Variants in DNAH8 observed in about 807,000 individuals in gnomAD.
DNAH8 encodes axonemal beta dynein heavy chain 8.
DNAH8 carries 382 observed loss-of-function variants against 562.1 expected under a neutral mutation model. That is an observed-to-expected ratio of 0.68 (90% CI 0.63 to 0.74). DNAH8 has a LOEUF of 0.74. DNAH8 is among the 30% of genes least tolerant of loss of function. DNAH8 has a pLI of 0.00. For missense variants in DNAH8, 5,203 were observed against 5,620.4 expected (o/e 0.93, Z 2.37); for synonymous variants, 1,881 against 1,919.4 (o/e 0.98, Z 0.52).
intron 85 of DNAH8, among the ~76,000 whole-genome samples, chr6:38,981,733 G>A (rs1184325539): frequency 6.6e-6 from 1 of 152,156 alleles, no homozygotes; most frequent in Admixed American, 6.5e-5. Flanking sequence ...TATTTGTTGA[G>A]CATCTACTGC....
intron 92 of DNAH8, among the ~76,000 whole-genome samples, chr6:39,027,932 C>T (rs549611695): frequency 2.6e-4 from 39 of 152,130 alleles, no homozygotes; most frequent in Non-Finnish European, 4.7e-4. Flanking sequence ...AATCAGTCTC[C>T]CTTTCCCTTT....
chr6:38,941,821 A>T (rs1008470333), intron 79 of DNAH8, among the ~76,000 whole-genome samples: 1 of 152,162 alleles, frequency 6.6e-6, no homozygotes, highest in African/African-American at 2.4e-5. Flanking sequence ...GACCCCCACA[A>T]TCTGGGGAAG....
At chr6:38,852,602 T>C (rs1057122984) in intron 39 of DNAH8, 92 bp from the exon 40 acceptor site, 1 of 908,460 alleles carries the variant, frequency 1.1e-6, no homozygotes, top group Admixed American at 2.4e-5. Context: ...ATACTTAACC[T>C]TTTAAAAAGA....
intron 62 of DNAH8, among the ~76,000 whole-genome samples, chr6:38,900,959 C>T (rs757788863): frequency 1.3e-5 from 2 of 152,162 alleles, no homozygotes; most frequent in Non-Finnish European, 2.9e-5. Context: ...TTTCAGTTTG[C>T]GTTTCCCAGA....
At position 38,921,444 on chromosome 6, in the gene DNAH8, G is replaced by A; in HGVS notation, c.10600G>A (p.Glu3534Lys). The stretch of plus-strand genomic sequence containing the variant: ...AGGGAAGGCACAAGCCCTGCTGGAT[G>A]AGAAGCAAGCTGAGCTGGATAAAGT... ...ELGKAQALLDEKQAELDKVQA... is the reference protein window; with the variant it reads ...ELGKAQALLDKKQAELDKVQA... Residue 3534 changes from glutamate to lysine, a missense_variant, in exon 71 of 93, where the codon GAG becomes AAG. Glu to Lys is a moderately conservative substitution (Grantham distance 56). This residue lies in a region of DNAH8 where 1,399 missense variants were observed against 1,518.4 expected (regional missense o/e 0.92). Transcript: ENST00000327475. The A allele has an allele frequency of 6.2e-7, 1 of 1,613,858 alleles. No individual in the cohort carries two copies. The highest frequency in any genetic ancestry group is 8.5e-7 in the Non-Finnish European group (1 of 1,179,880).
chr6:38,926,232 G>A, intron 74 of DNAH8, 22 bp downstream of exon 74: 1 of 1,603,728 alleles, frequency 6.2e-7, no homozygotes, highest in Non-Finnish European at 8.5e-7. Flanking sequence ...TTGGTGCAGG[G>A]GAAAGTAATC....
At position 38,938,232 on chromosome 6, in the gene DNAH8, T is replaced by C; in HGVS notation, c.11816+6T>C. On this transcript the variant is annotated splice_donor_region_variant and intron_variant, in intron 78 of 92. Coordinates refer to ENST00000327475, the MANE Select transcript of DNAH8 (RefSeq NM_001206927.2). ...TTTGACCAGTCCATGGCCAGGTGAGTCCTCACTACCTTCATCCAAAAGTGG... is the reference window on the plus strand; with the variant it reads ...TTTGACCAGTCCATGGCCAGGTGAGCCCTCACTACCTTCATCCAAAAGTGG... The C allele has an allele frequency of 6.2e-7, 1 of 1,600,766 alleles. No homozygotes were observed.
At chr6:38,830,675 C>T (rs1019781133) in intron 30 of DNAH8, among the ~76,000 whole-genome samples, 3 of 149,230 alleles carry the variant, frequency 2.0e-5, no homozygotes, top group African/African-American at 7.3e-5. Flanking sequence ...AAGGGATGAC[C>T]TACATCCTTT....
chr6:38,758,027 A>T (rs1001021532), intron 10 of DNAH8, among the ~76,000 whole-genome samples: 1 of 152,174 alleles, frequency 6.6e-6, no homozygotes. Context: ...TTTTGGTGCC[A>T]TATGAACTTT....
At chr6:39,023,184 G>A (rs1471813642) in intron 91 of DNAH8, among the ~76,000 whole-genome samples, 1 of 152,088 alleles carries the variant, frequency 6.6e-6, no homozygotes, top group African/African-American at 2.4e-5. Context: ...ATTTGGTTTA[G>A]GAATTATTAA....
intron 59 of DNAH8, 32 bp downstream of exon 59, chr6:38,894,896 T>C: frequency 6.3e-7 from 1 of 1,591,268 alleles, no homozygotes; most frequent in Non-Finnish European, 8.5e-7. Flanking sequence ...TTTAAATGTA[T>C]GACCTGAGAA....
intron 12 of DNAH8, among the ~76,000 whole-genome samples, chr6:38,772,251 A>T (rs1767652192): frequency 6.6e-6 from 1 of 151,932 alleles, no homozygotes. Context: ...GATGGTCTCG[A>T]TCCTCTGACC....
intron 68 of DNAH8, among the ~76,000 whole-genome samples, chr6:38,916,726 G>T (rs956451244): frequency 3.9e-5 from 6 of 152,204 alleles, no homozygotes; most frequent in African/African-American, 7.2e-5. Context: ...TGATGGTCAG[G>T]CAATGTCTTA....
chr6:38,888,413 TTTCTC>T (rs1212190797), intron 57 of DNAH8, among the ~76,000 whole-genome samples: 19 of 152,150 alleles, frequency 1.2e-4, no homozygotes, highest in South Asian at 8.3e-4. Context: ...AAATGTAAAA[TTTCTC>T]TTCATTAAAA....
chr6:39,023,085 T>C (rs1238927046), intron 91 of DNAH8, among the ~76,000 whole-genome samples: 1 of 152,214 alleles, frequency 6.6e-6, no homozygotes, highest in Non-Finnish European at 1.5e-5. Flanking sequence ...AAGGTTACTA[T>C]TGTTGAAGAT....
chr6:38,887,101 G>A (rs1053684664), intron 57 of DNAH8, 97 bp downstream of exon 57: 1 of 856,310 alleles, frequency 1.2e-6, no homozygotes, highest in Admixed American at 2.2e-5. Context: ...GTCTAAAGTG[G>A]GGTTAGGTAT....
rs148085136 is a variant in DNAH8, at chr6:38,738,909, T to A, written c.1116+937T>A. On this transcript the variant is annotated intron_variant, in intron 7 of 92. Coordinates refer to ENST00000327475, the MANE Select transcript of DNAH8 (RefSeq NM_001206927.2). ...TTCCTATTTTTTTTTGAAAAATCTT[T>A]GGTTACACTTGGAATTGTCAGATTT... Among the ~76,000 whole-genome samples, 393 of 152,348 alleles carry A rather than the reference T, an allele frequency of 2.6e-3. 3 individuals carry two copies. Among genetic ancestry groups the A allele is most frequent in the African/African-American group, 9.2e-3 (382 of 41,584 alleles).
Position 38,872,629 on chromosome 6 carries a change from C to A in DNAH8, c.7084C>A (p.Gln2362Lys), listed in dbSNP as rs765227049. The change falls in exon 50 of 93, where the codon CAA (glutamine) becomes AAA (lysine). Residue 2362 changes from glutamine (Q) to lysine (K), a missense_variant. By Grantham distance (53) the Gln-to-Lys change is moderately conservative. Coordinates refer to ENST00000327475, the MANE Select transcript of DNAH8 (RefSeq NM_001206927.2). ...CGTTATCACGATTCTAATGAAGGCG[C>A]AAACAGAATGCGGAAGGCCTCATAG... ...TTVITILMKAQTECGRPHREM... is the reference protein window; with the variant it reads ...TTVITILMKAKTECGRPHREM... 6.2e-7 allele frequency: 1 copy of A among 1,614,074 alleles called. No homozygotes were observed. The highest frequency in any genetic ancestry group is 8.5e-7 in the Non-Finnish European group (1 of 1,179,970).
At chr6:38,742,848 ATAGTT>A (rs1371853562) in intron 8 of DNAH8, among the ~76,000 whole-genome samples, 4 of 152,062 alleles carry the variant, frequency 2.6e-5, no homozygotes, top group African/African-American at 9.7e-5. Flanking sequence ...CACAAATGAC[ATAGTT>A]TAGTTTTGTG....
Sources: gnomAD v4.1 joint callset for allele counts (sites outside exome capture counted in the v4.1 genomes callset) on GRCh38, gnomAD v4.1.1 for gene constraint, gnomAD v4.1.1 regional missense constraint, MANE v1.5 for transcripts, NCBI Gene and HGNC (gene_info 2026-07-23, HGNC 2026-07-21) for gene names.